SLC16A2: variants seen among roughly 807,000 people sequenced by gnomAD.
SLC16A2 encodes the protein solute carrier family 16 member 2, also known as monocarboxylate transporter 8.
A neutral mutation model predicts 27.2 loss-of-function variants in SLC16A2; 3 were observed. The ratio of observed to expected loss-of-function variants is 0.11; its 90% CI spans 0.05 to 0.28. The LOEUF is 0.28. Among genes scored for constraint, SLC16A2 ranks in the 10% least tolerant of loss-of-function variants. The pLI, the probability that SLC16A2 is intolerant of heterozygous loss-of-function variation, is 1.00. For synonymous variants in SLC16A2, 202 were observed against 187.8 expected (o/e 1.08, Z -0.62); for missense variants, 295 against 458.5 (o/e 0.64, Z 3.26).
At chrX:74,495,975 G>A (rs763312657) in intron 1 of SLC16A2, among the ~76,000 whole-genome samples, 35 of 111,037 alleles carry the variant, frequency 3.2e-4, no homozygotes, top group Non-Finnish European at 9.5e-5. Flanking sequence ...GCAGTGTTCA[G>A]GCCACAGGCA....
intron 1 of SLC16A2, among the ~76,000 whole-genome samples, chrX:74,503,988 GT>G (rs1428568215): frequency 8.9e-6 from 1 of 112,298 alleles, no homozygotes; most frequent in Non-Finnish European, 1.9e-5. Flanking sequence ...TTGACACGGT[GT>G]CTGTCACATA....
intron 1 of SLC16A2, among the ~76,000 whole-genome samples, chrX:74,451,160 G>A (rs1928933146): frequency 8.9e-6 from 1 of 112,200 alleles, no homozygotes; most frequent in Non-Finnish European, 1.9e-5. Flanking sequence ...TATGTAACCA[G>A]TAGAAAGGTG....
chrX:74,497,900 A>G (rs1929964810), intron 1 of SLC16A2, among the ~76,000 whole-genome samples: 1 of 109,999 alleles, frequency 9.1e-6, no homozygotes, highest in African/African-American at 3.3e-5. Context: ...TGTCCTGTGG[A>G]TTCTATATTT....
intron 1 of SLC16A2, among the ~76,000 whole-genome samples, chrX:74,500,407 TA>T: frequency 8.9e-6 from 1 of 111,779 alleles, no homozygotes; most frequent in East Asian, 2.8e-4. Context: ...ATGTATATTT[TA>T]AAAAAATTTT....
chrX:74,468,759 T>G (rs1428364165), intron 1 of SLC16A2, among the ~76,000 whole-genome samples: 1 of 112,255 alleles, frequency 8.9e-6, no homozygotes, highest in Admixed American at 9.5e-5. Flanking sequence ...GCATACAATC[T>G]TATAATGATC....
At chrX:74,487,433 A>G (rs1929741596) in intron 1 of SLC16A2, among the ~76,000 whole-genome samples, 1 of 111,516 alleles carries the variant, frequency 9.0e-6, no homozygotes, top group Non-Finnish European at 1.9e-5. Flanking sequence ...TTTACAGGGC[A>G]AACAGACTTA....
intron 2 of SLC16A2, among the ~76,000 whole-genome samples, chrX:74,521,717 C>G (rs1930410370): frequency 8.9e-6 from 1 of 112,264 alleles, no homozygotes; most frequent in Non-Finnish European, 1.9e-5. Flanking sequence ...CCAGATAGCT[C>G]AGGCTGCTGA....
At chrX:74,493,202 C>A (rs1362653296) in intron 1 of SLC16A2, among the ~76,000 whole-genome samples, 1 of 111,955 alleles carries the variant, frequency 8.9e-6, no homozygotes, top group Admixed American at 9.4e-5. Flanking sequence ...TTGGTTACTT[C>A]AGTCTAGCCT....
At position 74,503,155 on chromosome X, in the gene SLC16A2, C is replaced by A. The variant is rs182180412; in HGVS notation, c.431-17835C>A. On this transcript the variant is annotated intron_variant, in intron 1 of 5. Transcript: ENST00000587091. Reference sequence around the variant, plus strand: ...CAAGCCTTTAAGACCCTGACATTACCTTCCTTCTACCTCTACCCAAATTAT... The same window carrying A: ...CAAGCCTTTAAGACCCTGACATTACATTCCTTCTACCTCTACCCAAATTAT... 6.4e-5 allele frequency among the ~76,000 whole-genome samples: 7 copies of A among 110,012 alleles called. No homozygotes were observed. In the East Asian group the frequency reaches 1.7e-3, roughly 27 times the overall value.
chrX:74,438,576 TCA>T (rs1408686599), intron 1 of SLC16A2, among the ~76,000 whole-genome samples: 4 of 112,430 alleles, frequency 3.6e-5, no homozygotes, highest in African/African-American at 1.3e-4. Flanking sequence ...TCTCCTTCTC[TCA>T]CACACGTACA....
intron 1 of SLC16A2, among the ~76,000 whole-genome samples, chrX:74,492,985 T>C (rs1256919993): frequency 8.9e-6 from 1 of 111,907 alleles, no homozygotes; most frequent in African/African-American, 3.3e-5. Context: ...CCGATGTTTT[T>C]CTCATCCAGC....
At chrX:74,492,579 T>C (rs1299802262) in intron 1 of SLC16A2, among the ~76,000 whole-genome samples, 1 of 110,805 alleles carries the variant, frequency 9.0e-6, no homozygotes, top group Non-Finnish European at 1.9e-5. Flanking sequence ...TTTGACATAA[T>C]AAGAGTTCAG....
intron 2 of SLC16A2, among the ~76,000 whole-genome samples, chrX:74,521,657 A>T (rs1930409234): frequency 8.9e-6 from 1 of 112,485 alleles, no homozygotes; most frequent in African/African-American, 3.2e-5. Flanking sequence ...TCTTATGCTG[A>T]AAAAAGAGGT....
At chrX:74,525,630 G>A in intron 3 of SLC16A2, 120 bp from the exon 4 acceptor site, 1 of 800,307 alleles carries the variant, frequency 1.2e-6, no homozygotes, top group Admixed American at 2.3e-5. Flanking sequence ...CTACAGGAGA[G>A]GGGGTTTCTG....
At chrX:74,529,725 T>C (rs1023026385) in intron 5 of SLC16A2, among the ~76,000 whole-genome samples, 44 of 106,138 alleles carry the variant, frequency 4.1e-4, no homozygotes, top group African/African-American at 1.5e-3. Flanking sequence ...GAGAGAAAAA[T>C]GAGTTTGGCT....
At chrX:74,466,079 G>T (rs895966596) in intron 1 of SLC16A2, among the ~76,000 whole-genome samples, 1 of 111,551 alleles carries the variant, frequency 9.0e-6, no homozygotes, top group Non-Finnish European at 1.9e-5. Context: ...AAGCAGGCAG[G>T]CTCCATCCCA....
intron 1 of SLC16A2, among the ~76,000 whole-genome samples, chrX:74,476,559 T>C (rs1929483130): frequency 8.9e-6 from 1 of 112,015 alleles, no homozygotes; most frequent in Non-Finnish European, 1.9e-5. Context: ...TTGTGCCAGT[T>C]TTCAAAGGGA....
rs1929646163 is a variant in SLC16A2, at chrX:74,482,760, C to T, written c.431-38230C>T. On this transcript the variant is annotated intron_variant, in intron 1 of 5. Transcript: ENST00000587091. ...TCACCCAGGGTGGAGTGCAGTTGTA[C>T]AGTCTTGGCTTGCTGCAGCCTTGAC... Among the ~76,000 whole-genome samples the T allele has an allele frequency of 1.8e-5, 2 of 110,681 alleles. 1 individual carries two copies. Among genetic ancestry groups the T allele is most frequent in the South Asian group, 7.8e-4 (2 of 2,569 alleles).
intron 1 of SLC16A2, among the ~76,000 whole-genome samples, chrX:74,512,924 A>G (rs759755535): frequency 1.8e-5 from 2 of 111,267 alleles, no homozygotes; most frequent in Non-Finnish European, 3.8e-5. Context: ...TGCTGAATAC[A>G]GACATATGTT....
Sources: allele counts gnomAD v4.1 joint callset (sites outside exome capture counted in the v4.1 genomes callset), GRCh38; gene constraint gnomAD v4.1.1; transcripts MANE v1.5; gene names NCBI Gene and HGNC (gene_info 2026-07-23, HGNC 2026-07-21).